NCOA3: variants seen among roughly 807,000 people sequenced by gnomAD.
The protein encoded by NCOA3 is CBP-interacting protein.
NCOA3 carries 51 observed loss-of-function variants against 158.8 expected under a neutral mutation model. The observed-to-expected ratio is 0.32, with a 90% confidence interval of 0.26 to 0.41. The LOEUF is 0.41. Among genes scored for constraint, NCOA3 ranks in the 10% least tolerant of loss-of-function variants. NCOA3 has a pLI of 1.00. For synonymous variants in NCOA3, 537 were observed against 592.4 expected (o/e 0.91, Z 1.36); for missense variants, 1,510 against 1,746.6 (o/e 0.86, Z 2.41).
intron 2 of NCOA3, among the ~76,000 whole-genome samples, chr20:47,600,059 G>A (rs986967580): frequency 2.0e-5 from 3 of 150,216 alleles, no homozygotes; most frequent in African/African-American, 7.4e-5. Context: ...AAGTAGAAAA[G>A]CTCCAATTAT....
intron 1 of NCOA3, among the ~76,000 whole-genome samples, chr20:47,527,506 A>T (rs906357091): frequency 6.6e-6 from 1 of 152,214 alleles, no homozygotes; most frequent in Non-Finnish European, 1.5e-5. Flanking sequence ...GTATATAGAC[A>T]ATACATATGG....
At chr20:47,513,357 G>C (rs1171683877) in intron 1 of NCOA3, among the ~76,000 whole-genome samples, 3 of 152,034 alleles carry the variant, frequency 2.0e-5, no homozygotes, top group Non-Finnish European at 4.4e-5. Flanking sequence ...TTCCAGTTTT[G>C]TTTGAAATAA....
intron 2 of NCOA3, among the ~76,000 whole-genome samples, chr20:47,596,171 A>G (rs2085752870): frequency 6.6e-6 from 1 of 152,224 alleles, no homozygotes; most frequent in Non-Finnish European, 1.5e-5. Flanking sequence ...TTGAAGTCAC[A>G]GCTATCTTTG....
At chr20:47,538,689 G>A (rs2146123217) in intron 1 of NCOA3, among the ~76,000 whole-genome samples, 1 of 152,102 alleles carries the variant, frequency 6.6e-6, no homozygotes, top group South Asian at 2.1e-4. Context: ...AAGATTACAG[G>A]CGTGTGCCAC....
chr20:47,581,503 C>T (rs1259346484), intron 1 of NCOA3, among the ~76,000 whole-genome samples: 11 of 152,148 alleles, frequency 7.2e-5, no homozygotes, highest in Admixed American at 6.5e-4. Flanking sequence ...GACTACACTA[C>T]GTGGAATGTC....
intron 1 of NCOA3, among the ~76,000 whole-genome samples, chr20:47,504,623 T>G (rs142858736): frequency 0.029 from 4,388 of 151,546 alleles, 77 homozygotes; most frequent in Middle Eastern, 0.058. Flanking sequence ...GCAAAGATGG[T>G]GAAACCCCTT....
chr20:47,597,742 G>A (rs2085785188), intron 2 of NCOA3, among the ~76,000 whole-genome samples: 1 of 151,426 alleles, frequency 6.6e-6, no homozygotes, highest in African/African-American at 2.4e-5. Flanking sequence ...ACCGGCCTCG[G>A]CCTCCCAAAG....
rs762869384 is a variant in NCOA3, at chr20:47,636,056, C to T, written c.1670C>T (p.Thr557Ile). The change falls in exon 12 of 23, where the codon ACC becomes ATC. Residue 557 changes from threonine (T) to isoleucine (I), a missense_variant. Around this residue, in one of 4 missense-constraint regions of NCOA3, gnomAD observed 1,017 missense variants for 1,098.3 expected, o/e 0.93. Coordinates refer to ENST00000371998, the MANE Select transcript of NCOA3 (RefSeq NM_181659.3). ...KLDNSPNMNITQPSKVSNQDS... is the reference protein window; with the variant it reads ...KLDNSPNMNIIQPSKVSNQDS... The stretch of plus-strand genomic sequence containing the variant: ...GATAACTCTCCCAATATGAATATTA[C>T]CCAACCAAGTAAAGTAAGCAATCAG... 2.5e-6 allele frequency: 4 copies of T among 1,614,112 alleles called. No homozygotes were observed. The South Asian group carries it at 4.4e-5, about 18-fold the overall frequency.
In NCOA3 at chr20:47,635,597, T is replaced by C; in HGVS notation, c.1388T>C (p.Met463Thr). Residue 463 changes from methionine (M) to threonine (T), a missense_variant, in exon 11 of 23, where the codon ATG becomes ACG. Transcript: ENST00000371998. The part of the protein sequence containing the change: ...SYQNNNYGLN[M>T]SSPPHGSPGL... Reference sequence around the variant, plus strand: ...CAGAACAACAACTATGGGCTCAACATGAGTAGCCCCCCACATGGGAGTCCT... The same window carrying C: ...CAGAACAACAACTATGGGCTCAACACGAGTAGCCCCCCACATGGGAGTCCT... 1 of 1,614,180 alleles carries C rather than the reference T, an allele frequency of 6.2e-7. No homozygotes were observed. The highest frequency in any genetic ancestry group is 8.5e-7 in the Non-Finnish European group (1 of 1,180,026).
chr20:47,587,004 C>G (rs1172535403), intron 2 of NCOA3, among the ~76,000 whole-genome samples: 1 of 152,150 alleles, frequency 6.6e-6, no homozygotes, highest in Admixed American at 6.5e-5. Context: ...GGAAACAATG[C>G]AGATATTCTG....
In NCOA3 at chr20:47,635,402, T is replaced by G. The variant is rs781226108; in HGVS notation, c.1193T>G (p.Val398Gly). 1 of 1,614,166 alleles carries G rather than the reference T, an allele frequency of 6.2e-7. No individual in the cohort carries two copies. The highest frequency in any genetic ancestry group is 8.5e-7 in the Non-Finnish European group (1 of 1,180,020). The part of the protein sequence containing the change: ...RPPMAGCNSS[V>G]GGMSMSPNQG... ...CCTATGGCTGGATGCAACAGTTCGG[T>G]AGGCGGCATGAGTATGTCGCCAAAC... is the stretch of plus-strand genomic sequence containing the variant. The change falls in exon 11 of 23, where the codon GTA becomes GGA. Residue 398 changes from valine to glycine, a missense_variant. Coordinates refer to ENST00000371998, the MANE Select transcript of NCOA3 (RefSeq NM_181659.3).
chr20:47,619,486 A>G (rs971272726), intron 2 of NCOA3, among the ~76,000 whole-genome samples: 5 of 150,634 alleles, frequency 3.3e-5, no homozygotes, highest in African/African-American at 1.2e-4. Context: ...CTCTCCAAAA[A>G]ATACAAAAAT....
intron 1 of NCOA3, among the ~76,000 whole-genome samples, chr20:47,539,523 A>G (rs1602369413): frequency 6.6e-6 from 1 of 152,188 alleles, no homozygotes; most frequent in Non-Finnish European, 1.5e-5. Flanking sequence ...TATTGAGCAC[A>G]CACTGAATGG....
chr20:47,550,999 A>G (rs1032295081), intron 1 of NCOA3, among the ~76,000 whole-genome samples: 4 of 152,190 alleles, frequency 2.6e-5, no homozygotes, highest in Non-Finnish European at 5.9e-5. Context: ...TTCAGTTTAT[A>G]TATCTTTTTT....
At chr20:47,643,218 CTG>C (rs1162992110) in intron 17 of NCOA3, among the ~76,000 whole-genome samples, 1 of 152,228 alleles carries the variant, frequency 6.6e-6, no homozygotes, top group African/African-American at 2.4e-5. Flanking sequence ...CCAGCCATGA[CTG>C]TTTTTATTTA....
At chr20:47,613,496 G>GAA (rs11086218) in intron 2 of NCOA3, among the ~76,000 whole-genome samples, 241 of 129,462 alleles carry the variant, frequency 1.9e-3, no homozygotes, top group East Asian at 5.3e-3. Flanking sequence ...GAATTAAATT[G>GAA]AAAAAAAAAA....
chr20:47,507,011 T>C (rs1210971860), intron 1 of NCOA3, among the ~76,000 whole-genome samples: 1 of 152,178 alleles, frequency 6.6e-6, no homozygotes, highest in Non-Finnish European at 1.5e-5. Flanking sequence ...TATCACACAG[T>C]AATGGATAAT....
chr20:47,599,603 A>T, intron 2 of NCOA3, among the ~76,000 whole-genome samples: 1 of 152,224 alleles, frequency 6.6e-6, no homozygotes, highest in East Asian at 1.9e-4. Flanking sequence ...GAACACTATG[A>T]TGTCATACAG....
In NCOA3 at chr20:47,574,668, C is replaced by A. The variant is rs372799287; in HGVS notation, c.-98-8515C>A. 3.9e-5 allele frequency among the ~76,000 whole-genome samples: 6 copies of A among 152,052 alleles called. No individual in the cohort carries two copies. In the East Asian group the frequency reaches 1.2e-3, roughly 29 times the overall value. ...CTACCTTAATTAACTTTTAGGCCAC[C>A]CTTGGTTTTTGAAATTTGAATCTGA... On this transcript the variant is annotated intron_variant, in intron 1 of 22. Coordinates refer to ENST00000371998, the MANE Select transcript of NCOA3 (RefSeq NM_181659.3).
Sources: allele counts gnomAD v4.1 joint callset (sites outside exome capture counted in the v4.1 genomes callset), GRCh38; gene constraint gnomAD v4.1.1; regional missense constraint gnomAD v4.1.1; transcripts MANE v1.5; gene names NCBI Gene and HGNC (gene_info 2026-07-23, HGNC 2026-07-21).